Variants in MYO1H observed in about 807,000 individuals in gnomAD.
MYO1H encodes myosin IH.
MYO1H carries 118 observed loss-of-function variants against 149.3 expected under a neutral mutation model. That is an observed-to-expected ratio of 0.79 (90% CI 0.68 to 0.92). MYO1H has a LOEUF of 0.92. MYO1H is among the 40% of genes least tolerant of loss of function. The pLI is 0.00. For missense variants in MYO1H, 1,212 were observed against 1,280.7 expected, an observed-to-expected ratio of 0.95 and a Z score of 0.82; for synonymous variants, 447 against 465.2, an observed-to-expected ratio of 0.96 and a Z score of 0.50.
chr12:109,397,748 G>A (rs1412939000), exon 5 of MYO1H: 1 of 1,612,104 alleles, frequency 6.2e-7, no homozygotes. Flanking sequence ...GGAAATGCCA[G>A]AACGCTCCGG....
intron 15 of MYO1H, among the ~76,000 whole-genome samples, chr12:109,417,256 A>G (rs939957272): frequency 6.6e-6 from 1 of 152,284 alleles, no homozygotes; most frequent in Non-Finnish European, 1.5e-5. Context: ...ACCGTTTTAC[A>G]TTTCCACCAG....
intron 1 of MYO1H, among the ~76,000 whole-genome samples, chr12:109,385,367 T>G (rs930952566): frequency 6.6e-6 from 1 of 151,126 alleles, no homozygotes; most frequent in Non-Finnish European, 1.5e-5. Flanking sequence ...CAATCATGGC[T>G]CATTGCAGCC....
intron 1 of MYO1H, among the ~76,000 whole-genome samples, chr12:109,352,167 T>G (rs1454957152): frequency 3.9e-5 from 6 of 152,100 alleles, no homozygotes; most frequent in Non-Finnish European, 7.3e-5. Context: ...CCACTTTTAT[T>G]TTTTTCCATA....
chr12:109,327,739 C>CAAAAAAAAAAAAAAAAA, the MYO1H span, among the ~76,000 whole-genome samples: 22 of 85,554 alleles, frequency 2.6e-4, no homozygotes, highest in Admixed American at 5.8e-4. Flanking sequence ...AAAACTGTCT[C>CAAAAAAAAAAAAAAAAA]AAAAAAAAAA....
chr12:109,364,688 A>G (rs1386030009), intron 1 of MYO1H, among the ~76,000 whole-genome samples: 5 of 152,152 alleles, frequency 3.3e-5, no homozygotes. Context: ...ATTTTAGATA[A>G]CACCACAGAA....
At chr12:109,419,093 CAG>C (rs1277243200) in intron 15 of MYO1H, among the ~76,000 whole-genome samples, 1 of 152,228 alleles carries the variant, frequency 6.6e-6, no homozygotes, top group Non-Finnish European at 1.5e-5. Flanking sequence ...CTTTTACTCT[CAG>C]TGTCTCCTTT....
In MYO1H at chr12:109,367,509, G is replaced by A. The variant is rs11066415; in HGVS notation, c.12+19537G>A. Among the ~76,000 whole-genome samples the A allele has an allele frequency of 6.3e-3, 962 of 151,896 alleles. 13 individuals are homozygous for A. The highest frequency in any genetic ancestry group is 0.022 in the African/African-American group (917 of 41,436). On this transcript the variant is annotated intron_variant, in intron 1 of 31. Transcript: ENST00000310903. ...CCCAGTTTGTGGAAGGGGAAGTTGC[G>A]GCAATCTTTTATATTTATTTATTAT... is the stretch of plus-strand genomic sequence containing the variant.
intron 1 of MYO1H, among the ~76,000 whole-genome samples, chr12:109,367,558 T>TTTAC (rs1401631304): frequency 6.6e-6 from 1 of 151,764 alleles, no homozygotes; most frequent in African/African-American, 2.4e-5. Context: ...TATTTATTTA[T>TTTAC]TTACTTATTT....
intron 14 of MYO1H, among the ~76,000 whole-genome samples, chr12:109,414,225 C>T (rs1870799750): frequency 6.6e-6 from 1 of 151,976 alleles, no homozygotes; most frequent in Admixed American, 6.6e-5. Context: ...CCTGTAATCC[C>T]AGCTGTTTGC....
At chr12:109,409,478 A>G in intron 10 of MYO1H, 79 bp from the exon 11 acceptor site, 2 of 1,236,034 alleles carry the variant, frequency 1.6e-6, no homozygotes, top group Non-Finnish European at 2.4e-6. Flanking sequence ...GCCAAGTCCC[A>G]GTTTAGGGGA....
intron 1 of MYO1H, among the ~76,000 whole-genome samples, chr12:109,358,867 AAAAGG>A (rs1239554133): frequency 1.3e-5 from 2 of 150,920 alleles, no homozygotes; most frequent in African/African-American, 4.9e-5. Flanking sequence ...AAAAAAAAAA[AAAAGG>A]CTCTAAGATA....
Position 109,383,839 on chromosome 12 carries a change from G to A in MYO1H, c.13-4844G>A, listed in dbSNP as rs772251835. Among the ~76,000 whole-genome samples, 5 of 151,994 alleles carry A rather than the reference G, an allele frequency of 3.3e-5. No homozygotes were observed. In the South Asian group the frequency reaches 6.2e-4, roughly 19 times the overall value. On this transcript the variant is annotated intron_variant, in intron 1 of 31. Transcript: ENST00000310903. ...GGCCTCCCTGTCATCTCCCCACCCC[G>A]ACTCCACATACTGGGTCAAGCATTA...
intron 1 of MYO1H, among the ~76,000 whole-genome samples, chr12:109,353,846 G>A (rs1029949361): frequency 6.6e-6 from 1 of 152,054 alleles, no homozygotes; most frequent in Non-Finnish European, 1.5e-5. Context: ...TAGAAACGGG[G>A]TTTCACCATG....
intron 11 of MYO1H, 47 bp downstream of exon 11, chr12:109,409,671 G>T (rs747525287): frequency 6.3e-6 from 9 of 1,433,144 alleles, no homozygotes; most frequent in African/African-American, 2.8e-5. Flanking sequence ...CCTTTTTTAA[G>T]ATTTCAGTCG....
the MYO1H span, among the ~76,000 whole-genome samples, chr12:109,335,666 G>T: frequency 6.6e-6 from 1 of 152,060 alleles, no homozygotes; most frequent in Admixed American, 6.6e-5. Context: ...ATTATTTGGG[G>T]GATGATTGAC....
chr12:109,315,127 G>A, the MYO1H span, among the ~76,000 whole-genome samples: 1 of 151,984 alleles, frequency 6.6e-6, no homozygotes, highest in Non-Finnish European at 1.5e-5. Flanking sequence ...AATATTCAGG[G>A]CCCTTGTCTT....
chr12:109,447,760 G>A (rs531618892), exon 32 of MYO1H: 1 of 155,420 alleles, frequency 6.4e-6, no homozygotes, highest in African/African-American at 2.4e-5. Context: ...TGAGCCCCGT[G>A]AGAGGAGGAC....
intron 2 of MYO1H, among the ~76,000 whole-genome samples, chr12:109,391,631 A>G (rs1377193423): frequency 6.6e-6 from 1 of 152,212 alleles, no homozygotes; most frequent in African/African-American, 2.4e-5. Flanking sequence ...TCTTTGAGGA[A>G]TCGCCACACT....
chr12:109,386,397 A>G (rs924843331), intron 1 of MYO1H, among the ~76,000 whole-genome samples: 2 of 152,242 alleles, frequency 1.3e-5, no homozygotes, highest in Non-Finnish European at 2.9e-5. Flanking sequence ...GGATCAAAGA[A>G]TAGAGGCATG....
Sources: gnomAD v4.1 joint callset for allele counts (sites outside exome capture counted in the v4.1 genomes callset) on GRCh38, gnomAD v4.1.1 for gene constraint, MANE v1.5 for transcripts, NCBI Gene and HGNC (gene_info 2026-07-23, HGNC 2026-07-21) for gene names.